Variants in NKAIN2 observed in about 807,000 individuals in gnomAD.
The protein encoded by NKAIN2 is sodium/potassium transporting ATPase interacting 2.
A neutral mutation model predicts 32.6 loss-of-function variants in NKAIN2; 14 were observed. The ratio of observed to expected loss-of-function variants is 0.43; its 90% CI spans 0.28 to 0.67. The LOEUF is 0.67. Among genes scored for constraint, NKAIN2 ranks in the 30% least tolerant of loss-of-function variants. The probability of loss-of-function intolerance (pLI) is 0.17; values close to 1 mark genes in which losing one functional copy is unlikely to be tolerated. For synonymous variants in NKAIN2, 80 were observed against 87.2 expected (o/e 0.92, Z 0.46); for missense variants, 198 against 258.3 (o/e 0.77, Z 1.60).
chr6:124,204,972 A>T (rs1054247601), intron 1 of NKAIN2, among the ~76,000 whole-genome samples: 11 of 90,888 alleles, frequency 1.2e-4, no homozygotes, highest in African/African-American at 4.1e-4. Context: ...TATCCTCTGC[A>T]TCTAAAAAAA....
chr6:124,339,892 T>G (rs983095025), intron 2 of NKAIN2, among the ~76,000 whole-genome samples: 1 of 152,180 alleles, frequency 6.6e-6, no homozygotes, highest in Non-Finnish European at 1.5e-5. Flanking sequence ...ACGTATTATA[T>G]GAAAATCTTC....
At chr6:124,651,719 G>A (rs901706014) in intron 3 of NKAIN2, among the ~76,000 whole-genome samples, 1 of 152,118 alleles carries the variant, frequency 6.6e-6, no homozygotes, top group Non-Finnish European at 1.5e-5. Flanking sequence ...AGGAGCTTGT[G>A]GAGGGCATCC....
intron 1 of NKAIN2, among the ~76,000 whole-genome samples, chr6:124,235,733 G>A (rs1382014465): frequency 6.6e-6 from 1 of 151,536 alleles, no homozygotes; most frequent in African/African-American, 2.4e-5. Flanking sequence ...CAAGTAGCTG[G>A]GATTACAGGC....
intron 4 of NKAIN2, among the ~76,000 whole-genome samples, chr6:124,672,896 A>G (rs1773175609): frequency 1.3e-5 from 2 of 152,214 alleles, no homozygotes; most frequent in South Asian, 4.1e-4. Flanking sequence ...TGTAAAAAAC[A>G]CATGACCTGA....
At chr6:124,601,648 C>A (rs1782312312) in intron 3 of NKAIN2, among the ~76,000 whole-genome samples, 1 of 151,930 alleles carries the variant, frequency 6.6e-6, no homozygotes. Flanking sequence ...GAAATGTGTA[C>A]CAGCAGGGCA....
intron 2 of NKAIN2, among the ~76,000 whole-genome samples, chr6:124,334,341 T>C (rs1410028623): frequency 6.6e-6 from 1 of 152,192 alleles, no homozygotes; most frequent in East Asian, 1.9e-4. Flanking sequence ...ACAGAGTCGA[T>C]TTATCCGGAC....
intron 5 of NKAIN2, among the ~76,000 whole-genome samples, chr6:124,800,455 C>T (rs551349323): frequency 1.3e-5 from 2 of 152,252 alleles, no homozygotes; most frequent in African/African-American, 4.8e-5. Flanking sequence ...TCACGGAGGC[C>T]TCCGCTATGA....
chr6:124,485,892 A>G (rs1777630588), intron 3 of NKAIN2, among the ~76,000 whole-genome samples: 1 of 152,188 alleles, frequency 6.6e-6, no homozygotes, highest in South Asian at 2.1e-4. Context: ...AAGACATGCA[A>G]GAGGTGTAGT....
At chr6:124,559,834 A>ATTTTTTTTTTTTTTTTTTTTTTT (rs55701016) in intron 3 of NKAIN2, among the ~76,000 whole-genome samples, 1 of 73,762 alleles carries the variant, frequency 1.4e-5, no homozygotes, top group African/African-American at 5.4e-5. Context: ...GAAATAAACC[A>ATTTTTTTTTTTTTTTTTTTTTTT]TTTTTTTTTT....
intron 1 of NKAIN2, among the ~76,000 whole-genome samples, chr6:124,174,741 T>G (rs149184181): frequency 6.6e-6 from 1 of 152,294 alleles, no homozygotes; most frequent in Non-Finnish European, 1.5e-5. Flanking sequence ...GGCCAGAATG[T>G]AGTCATATGA....
At chr6:124,154,614 A>G (rs979868732) in intron 1 of NKAIN2, among the ~76,000 whole-genome samples, 5 of 151,998 alleles carry the variant, frequency 3.3e-5, no homozygotes, top group African/African-American at 1.2e-4. Flanking sequence ...AAAATCGTAT[A>G]TATTTAAAGT....
At chr6:124,640,753 A>G (rs2114353346) in intron 3 of NKAIN2, among the ~76,000 whole-genome samples, 1 of 152,330 alleles carries the variant, frequency 6.6e-6, no homozygotes, top group South Asian at 2.1e-4. Flanking sequence ...GGAAAATAAA[A>G]TTGAGATTTT....
chr6:124,649,533 C>A (rs1038182353), intron 3 of NKAIN2, among the ~76,000 whole-genome samples: 1 of 152,062 alleles, frequency 6.6e-6, no homozygotes, highest in Non-Finnish European at 1.5e-5. Flanking sequence ...CTACCAAACA[C>A]GTAAAGAAGA....
At chr6:124,155,746 A>C (rs1328512205) in intron 1 of NKAIN2, among the ~76,000 whole-genome samples, 1 of 152,158 alleles carries the variant, frequency 6.6e-6, no homozygotes, top group African/African-American at 2.4e-5. Flanking sequence ...GGGAACTGAC[A>C]CATGATGGTA....
intron 3 of NKAIN2, among the ~76,000 whole-genome samples, chr6:124,567,483 C>A (rs1473152929): frequency 1.3e-5 from 2 of 152,234 alleles, no homozygotes; most frequent in Admixed American, 1.3e-4. Flanking sequence ...GTCTCCTCAA[C>A]CAAAATGTGA....
At chr6:124,813,625 T>C (rs180842706) in intron 5 of NKAIN2, among the ~76,000 whole-genome samples, 2 of 152,268 alleles carry the variant, frequency 1.3e-5, no homozygotes, top group Admixed American at 1.3e-4. Flanking sequence ...CATCCTCAGA[T>C]GTTGTGTGAC....
intron 3 of NKAIN2, among the ~76,000 whole-genome samples, chr6:124,482,498 G>T (rs1777493631): frequency 6.6e-6 from 1 of 152,204 alleles, no homozygotes; most frequent in Non-Finnish European, 1.5e-5. Flanking sequence ...ATGTGAGTGT[G>T]TGTGTATACT....
intron 3 of NKAIN2, among the ~76,000 whole-genome samples, chr6:124,603,838 C>T (rs1260176345): frequency 1.3e-5 from 2 of 151,908 alleles, no homozygotes; most frequent in Admixed American, 1.3e-4. Flanking sequence ...GGTCATTTGC[C>T]TTTACCTGAG....
chr6:124,286,497 T>A (rs1209735521), intron 2 of NKAIN2, among the ~76,000 whole-genome samples: 1 of 152,152 alleles, frequency 6.6e-6, no homozygotes, highest in Non-Finnish European at 1.5e-5. Context: ...ACTGCACTCT[T>A]GCTAACCCTG....
Sources: allele counts gnomAD v4.1 joint callset (sites outside exome capture counted in the v4.1 genomes callset), GRCh38; gene constraint gnomAD v4.1.1; transcripts MANE v1.5; gene names NCBI Gene and HGNC (gene_info 2026-07-23, HGNC 2026-07-21).